PRKN: variants seen among roughly 807,000 people sequenced by gnomAD.
The protein encoded by PRKN is parkin RBR E3 ubiquitin protein ligase, also known as E3 ubiquitin-protein ligase parkin.
A neutral mutation model predicts 59.5 loss-of-function variants in PRKN; 56 were observed. The ratio of observed to expected loss-of-function variants is 0.94; its 90% CI spans 0.76 to 1.18. PRKN has a LOEUF of 1.18. Among genes scored for constraint, PRKN ranks in the 50% most tolerant of loss-of-function variants. The pLI, the probability that PRKN is intolerant of heterozygous loss-of-function variation, is 0.00. For synonymous variants in PRKN, 250 were observed against 222.1 expected (o/e 1.13, Z -1.12); for missense variants, 657 against 596.4 (o/e 1.10, Z -1.06).
chr6:162,053,817 T>A (rs1777747502), intron 5 of PRKN, among the ~76,000 whole-genome samples: 1 of 152,192 alleles, frequency 6.6e-6, no homozygotes, highest in African/African-American at 2.4e-5. Context: ...TCCTTTTCCT[T>A]CTATGGATAT....
chr6:162,421,293 G>A (rs1404126414), intron 2 of PRKN, among the ~76,000 whole-genome samples: 2 of 148,620 alleles, frequency 1.3e-5, no homozygotes, highest in Non-Finnish European at 3.0e-5. Flanking sequence ...CCCTCACAGC[G>A]CCCTGAAGAT....
intron 7 of PRKN, among the ~76,000 whole-genome samples, chr6:161,763,718 T>C (rs1025192858): frequency 2.0e-5 from 3 of 152,040 alleles, no homozygotes; most frequent in African/African-American, 7.2e-5. Flanking sequence ...ATATCACCCA[T>C]ATTAAATTGA....
intron 2 of PRKN, among the ~76,000 whole-genome samples, chr6:162,415,648 C>G: frequency 6.6e-6 from 1 of 152,154 alleles, no homozygotes; most frequent in East Asian, 1.9e-4. Flanking sequence ...TGAAACCCGT[C>G]TGTACTAAAA....
chr6:162,704,123 A>G (rs967404093), intron 1 of PRKN, among the ~76,000 whole-genome samples: 1 of 152,174 alleles, frequency 6.6e-6, no homozygotes, highest in Non-Finnish European at 1.5e-5. Flanking sequence ...GTAAAGTGTG[A>G]GGACAATGGC....
chr6:162,588,054 A>C (rs1226672129), intron 1 of PRKN, among the ~76,000 whole-genome samples: 1 of 149,414 alleles, frequency 6.7e-6, no homozygotes, highest in Non-Finnish European at 1.5e-5. Context: ...TCTGTCACCC[A>C]AGCTAGAGTG....
chr6:161,658,502 T>C (rs1246874472), intron 7 of PRKN, among the ~76,000 whole-genome samples: 1 of 152,176 alleles, frequency 6.6e-6, no homozygotes, highest in Non-Finnish European at 1.5e-5. Context: ...CGGGAGAGTG[T>C]ACTTTAGAGG....
intron 7 of PRKN, among the ~76,000 whole-genome samples, chr6:161,638,341 C>A (rs1783607321): frequency 6.6e-6 from 1 of 151,996 alleles, no homozygotes; most frequent in Non-Finnish European, 1.5e-5. Flanking sequence ...CACCATGTTG[C>A]CCAGGGTAGT....
chr6:162,610,510 G>A (rs577981238), intron 1 of PRKN, among the ~76,000 whole-genome samples: 5 of 152,158 alleles, frequency 3.3e-5, no homozygotes, highest in Admixed American at 2.0e-4. Flanking sequence ...AACAAGTAAC[G>A]TTAAACTATA....
intron 9 of PRKN, among the ~76,000 whole-genome samples, chr6:161,472,459 T>C (rs555230170): frequency 5.3e-5 from 8 of 152,234 alleles, no homozygotes; most frequent in Non-Finnish European, 2.9e-5. Flanking sequence ...GATATCCACA[T>C]GTAAAATAAT....
At chr6:161,723,022 A>G (rs970875883) in intron 7 of PRKN, among the ~76,000 whole-genome samples, 1 of 152,182 alleles carries the variant, frequency 6.6e-6, no homozygotes, top group Non-Finnish European at 1.5e-5. Context: ...TAATCCCAGC[A>G]CTTTGGGAGG....
chr6:161,603,229 C>T (rs1000968547), intron 7 of PRKN, among the ~76,000 whole-genome samples: 9 of 152,154 alleles, frequency 5.9e-5, no homozygotes, highest in African/African-American at 1.7e-4. Context: ...TCTAAAACCC[C>T]GGGTTCCTAA....
chr6:162,568,603 TCAA>T (rs972798905), intron 1 of PRKN: 21 of 883,184 alleles, frequency 2.4e-5, no homozygotes, highest in African/African-American at 6.6e-5. Flanking sequence ...ATCAGGACCC[TCAA>T]CAACAAGTTT....
intron 4 of PRKN, among the ~76,000 whole-genome samples, chr6:162,144,820 C>A (rs572640396): frequency 6.6e-6 from 1 of 152,078 alleles, no homozygotes; most frequent in South Asian, 2.1e-4. Flanking sequence ...ACTGACAGGC[C>A]TTGGTGAGAG....
At chr6:161,517,597 G>A (rs1039041885) in intron 9 of PRKN, among the ~76,000 whole-genome samples, 4 of 151,778 alleles carry the variant, frequency 2.6e-5, no homozygotes, top group African/African-American at 7.3e-5. Context: ...AAAATTAGCC[G>A]GGCATGGTGG....
chr6:162,259,466 T>C (rs1303113944), intron 3 of PRKN, among the ~76,000 whole-genome samples: 1 of 152,274 alleles, frequency 6.6e-6, no homozygotes, highest in East Asian at 1.9e-4. Context: ...CTCGCCATTC[T>C]GGCCATCAAA....
chr6:162,381,655 C>T (rs780933852), intron 2 of PRKN, among the ~76,000 whole-genome samples: 1 of 152,038 alleles, frequency 6.6e-6, no homozygotes, highest in Non-Finnish European at 1.5e-5. Flanking sequence ...AAATGCTATA[C>T]CTGTCCCCCC....
chr6:162,160,448 T>C (rs1162795036), intron 4 of PRKN, among the ~76,000 whole-genome samples: 1 of 152,126 alleles, frequency 6.6e-6, no homozygotes, highest in Non-Finnish European at 1.5e-5. Context: ...GTCGGAGACT[T>C]TCCTGGTTCT....
At chr6:161,711,490 A>G (rs939042221) in intron 7 of PRKN, among the ~76,000 whole-genome samples, 22 of 152,240 alleles carry the variant, frequency 1.4e-4, no homozygotes, top group African/African-American at 4.8e-4. Flanking sequence ...AGATTTGTCT[A>G]AATTTGAATA....
intron 7 of PRKN, among the ~76,000 whole-genome samples, chr6:161,781,301 G>C (rs554973815): frequency 2.0e-5 from 3 of 152,096 alleles, no homozygotes; most frequent in Non-Finnish European, 4.4e-5. Flanking sequence ...TTATATTTAA[G>C]TAACCAGTGA....
Sources: gnomAD v4.1 joint callset for allele counts (sites outside exome capture counted in the v4.1 genomes callset) on GRCh38, gnomAD v4.1.1 for gene constraint, MANE v1.5 for transcripts, NCBI Gene and HGNC (gene_info 2026-07-23, HGNC 2026-07-21) for gene names.